The following SLC25A10 variants were observed in gnomAD, a reference collection of about 807,000 sequenced individuals.
The protein encoded by SLC25A10 is mitochondrial dicarboxylate carrier.
SLC25A10 carries 32 observed loss-of-function variants against 40.4 expected under a neutral mutation model. That is an observed-to-expected ratio of 0.79 (90% confidence interval 0.60 to 1.06). The LOEUF is 1.06. SLC25A10 is among the 50% of genes least tolerant of loss of function. The pLI is 0.00. For synonymous variants in SLC25A10, 181 were observed against 171.1 expected (o/e 1.06, Z -0.45); for missense variants, 394 against 402.6 (o/e 0.98, Z 0.18).
intron 9 of SLC25A10, 65 bp downstream of exon 9, chr17:81,717,926 G>A: frequency 7.6e-7 from 1 of 1,307,452 alleles, no homozygotes; most frequent in Non-Finnish European, 1.1e-6. Flanking sequence ...CCTCTCCGGG[G>A]GGTGGACACT....
At position 81,714,946 on chromosome 17, in the gene SLC25A10, C is replaced by T. The variant is rs756570550; in HGVS notation, c.94-7C>T. 8.7e-6 allele frequency: 14 copies of T among 1,606,720 alleles called. 1 individual carries two copies. In the African/African-American group the frequency reaches 1.2e-4, roughly 14 times the overall value. On this transcript the variant is annotated splice_polypyrimidine_tract_variant and splice_region_variant and intron_variant, in intron 1 of 10. Coordinates refer to ENST00000350690, the MANE Select transcript of SLC25A10 (RefSeq NM_012140.5). ...GCTGTGGGGTCTGAGAGCACTCACT[C>T]CCGCAGGTGCATCTGCAGACGCAGC...
chr17:81,717,364 C>A, intron 7 of SLC25A10, 35 bp from the exon 8 acceptor site: 2 of 1,605,380 alleles, frequency 1.2e-6, no homozygotes, highest in South Asian at 1.1e-5. Flanking sequence ...GCTGGGGTCC[C>A]CCCTACAGCC....
rs2037569782 is a variant in SLC25A10, at chr17:81,720,416, T to TCCTGCCC, written c.*342_*348dup. ...CCAGGGGAGGGGTATTATCCCTGCC[T>TCCTGCCC]CCTGCCCCCGATGCCCAAAGCAGCA... On this transcript the variant is annotated 3_prime_UTR_variant, in exon 11 of 11. Transcript: ENST00000350690. The TCCTGCCC allele has an allele frequency of 2.2e-6, 3 of 1,375,324 alleles. No homozygotes were observed. The highest frequency in any genetic ancestry group is 2.8e-6 in the Non-Finnish European group (3 of 1,070,572). The allele number at this position is 1,375,324 out of a possible 1,614,324, so 85.2% of individuals were successfully genotyped here.
In SLC25A10 at chr17:81,712,413, G is replaced by A. The variant is rs2037399159; in HGVS notation, c.-14G>A. 12 of 1,281,524 alleles carry A rather than the reference G, an allele frequency of 9.4e-6. No individual in the cohort carries two copies. In the South Asian group the frequency reaches 3.0e-4, roughly 32 times the overall value. The allele number at this position is 1,281,524 out of a possible 1,614,324, so 79.4% of individuals were successfully genotyped here. On this transcript the variant is annotated 5_prime_UTR_variant, in exon 1 of 11. Coordinates refer to ENST00000350690, the MANE Select transcript of SLC25A10 (RefSeq NM_012140.5). Reference sequence around the variant, plus strand: ...TCGGGTTGTGGTCGGGCCGGGATTGGGCTCTCCTGGGCCATGGCAGCCGAG... The same window carrying A: ...TCGGGTTGTGGTCGGGCCGGGATTGAGCTCTCCTGGGCCATGGCAGCCGAG...
intron 9 of SLC25A10, 106 bp downstream of exon 9, chr17:81,717,967 C>A (rs1427897364): frequency 3.7e-6 from 3 of 802,154 alleles, no homozygotes; most frequent in Non-Finnish European, 6.2e-6. Context: ...GGGTGTCCCT[C>A]CCTTCTAGTT....
At position 81,715,645 on chromosome 17, in the gene SLC25A10, G is replaced by GAC. The variant is rs1203978926; in HGVS notation, c.329-47_329-46dup. 1.9e-6 allele frequency: 3 copies of GAC among 1,612,836 alleles called. No individual in the cohort carries two copies. The South Asian group carries it at 3.3e-5, about 18-fold the overall frequency. ...GCGCGGGGTGGTCAGGTCGGCCGAG[G>GAC]ACGCCGTGTGTCAGCACGGCTCATC... is the stretch of plus-strand genomic sequence containing the variant. On this transcript the variant is annotated intron_variant, in intron 3 of 10. Coordinates refer to ENST00000350690, the MANE Select transcript of SLC25A10 (RefSeq NM_012140.5).
At position 81,720,511 on chromosome 17, in the gene SLC25A10, G is replaced by A; in HGVS notation, c.*434G>A. 1 of 1,312,538 alleles carries A rather than the reference G, an allele frequency of 7.6e-7. No individual in the cohort carries two copies. Among genetic ancestry groups the A allele is most frequent in the Non-Finnish European group, 9.7e-7 (1 of 1,035,910 alleles). The allele number at this position is 1,312,538 out of a possible 1,614,324, so 81.3% of individuals were successfully genotyped here. On this transcript the variant is annotated 3_prime_UTR_variant, in exon 11 of 11. Coordinates refer to ENST00000350690, the MANE Select transcript of SLC25A10 (RefSeq NM_012140.5). ...TGCAGCCTGGCTGTTGCTCACCCAA[G>A]TGCTAGCTCTGCACTTCGTGTCTGC...
intron 5 of SLC25A10, 69 bp from the exon 6 acceptor site, chr17:81,716,743 C>A: frequency 6.5e-7 from 1 of 1,531,574 alleles, no homozygotes; most frequent in Non-Finnish European, 8.9e-7. Context: ...GCCTCGGGGC[C>A]TGGGAGGACC....
At chr17:81,718,926 A>G (rs1470928551) in intron 9 of SLC25A10, among the ~76,000 whole-genome samples, 1 of 151,476 alleles carries the variant, frequency 6.6e-6, no homozygotes. Flanking sequence ...TCCAGCCTGG[A>G]TGACAGAGCG....
In SLC25A10 at chr17:81,715,556, C is replaced by T; in HGVS notation, c.292C>T (p.Pro98Ser). ...GGCCAAGGGCAGCCAGGGGCCTCTC[C>T]CCTTCCACGAGAAGGTGTTGCTGGG... is the stretch of plus-strand genomic sequence containing the variant. ...RVAKGSQGPLPFHEKVLLGSV... is the reference protein window; with the variant it reads ...RVAKGSQGPLSFHEKVLLGSV... The change falls in exon 3 of 11, where the codon CCC becomes TCC. Residue 98 changes from proline (P) to serine (S), a missense_variant. Pro to Ser is a moderately conservative substitution (Grantham distance 74, BLOSUM62 -1). Transcript: ENST00000350690. 2 of 1,612,928 alleles carry T rather than the reference C, an allele frequency of 1.2e-6. No homozygotes were observed. The highest frequency in any genetic ancestry group is 1.7e-6 in the Non-Finnish European group (2 of 1,179,870).
At chr17:81,717,363 C>A (rs1188427285) in intron 7 of SLC25A10, 36 bp from the exon 8 acceptor site, 32 of 1,602,818 alleles carry the variant, frequency 2.0e-5, no homozygotes, top group Non-Finnish European at 2.6e-5. Flanking sequence ...AGCTGGGGTC[C>A]CCCCTACAGC....
intron 1 of SLC25A10, among the ~76,000 whole-genome samples, chr17:81,713,945 C>T (rs1451746801): frequency 6.6e-6 from 1 of 152,228 alleles, no homozygotes; most frequent in African/African-American, 2.4e-5. Flanking sequence ...GCTCACCAGG[C>T]CTCTCTGCCT....
Position 81,720,340 on chromosome 17 carries a change from C to A in SLC25A10, c.*263C>A. On this transcript the variant is annotated 3_prime_UTR_variant, in exon 11 of 11. Transcript: ENST00000350690. ...GGCCTTGCCCCTCTCCCGCTGGCAGCTCCTCAGGGGAACAGGGGCTACCAG... is the reference window on the plus strand; with the variant it reads ...GGCCTTGCCCCTCTCCCGCTGGCAGATCCTCAGGGGAACAGGGGCTACCAG... 7.0e-7 allele frequency: 1 copy of A among 1,426,092 alleles called. No homozygotes were observed. Among genetic ancestry groups the A allele is most frequent in the Non-Finnish European group, 9.1e-7 (1 of 1,095,520 alleles). The allele number at this position is 1,426,092 out of a possible 1,614,324, so 88.3% of individuals were successfully genotyped here.
chr17:81,716,629 G>C, intron 5 of SLC25A10, 183 bp from the exon 6 acceptor site: 1 of 622,198 alleles, frequency 1.6e-6, no homozygotes, highest in South Asian at 1.9e-5. Context: ...TGAGGGCCGG[G>C]CGGGGCGGGC....
chr17:81,718,867 T>C (rs2037537395), intron 9 of SLC25A10, among the ~76,000 whole-genome samples: 1 of 150,236 alleles, frequency 6.7e-6, no homozygotes, highest in Admixed American at 6.6e-5. Flanking sequence ...GAGAATTGCT[T>C]GAATTCAGGA....
At position 81,715,629 on chromosome 17, in the gene SLC25A10, G is replaced by A. The variant is rs374977250; in HGVS notation, c.328+37G>A. ...GGCGGGAGGGGGAGGGGCGCGGGGT[G>A]GTCAGGTCGGCCGAGGACGCCGTGT... is the stretch of plus-strand genomic sequence containing the variant. On this transcript the variant is annotated intron_variant, in intron 3 of 10. Coordinates refer to ENST00000350690, the MANE Select transcript of SLC25A10 (RefSeq NM_012140.5). 79 of 1,611,670 alleles carry A rather than the reference G, an allele frequency of 4.9e-5. 1 individual carries two copies. The African/African-American group carries it at 9.2e-4, about 19-fold the overall frequency.
At chr17:81,716,957 C>A (rs2037499769) in intron 6 of SLC25A10, 45 bp from the exon 7 acceptor site, 1 of 1,439,988 alleles carries the variant, frequency 6.9e-7, no homozygotes, top group Non-Finnish European at 9.7e-7. Flanking sequence ...AGGTGCCTGG[C>A]CTCACCCCTT....
chr17:81,720,425 C>T lies in SLC25A10; in HGVS notation c.*348C>T, dbSNP rs916462294. ...GGGTATTATCCCTGCCTCCTGCCCC[C>T]GATGCCCAAAGCAGCATCTTCCAGC... On this transcript the variant is annotated 3_prime_UTR_variant, in exon 11 of 11. Transcript: ENST00000350690. 5.3e-5 allele frequency: 72 copies of T among 1,368,746 alleles called. No individual in the cohort carries two copies. The highest frequency in any genetic ancestry group is 2.8e-4 in the Admixed American group (8 of 28,574). 84.8% of individuals were successfully genotyped at this position (1,368,746 alleles called of 1,614,324 possible).
At position 81,717,386 on chromosome 17, in the gene SLC25A10, T is replaced by C. The variant is rs752588023; in HGVS notation, c.535-13T>C. The C allele has an allele frequency of 3.7e-6, 6 of 1,612,860 alleles. No homozygotes were observed. The African/African-American group carries it at 5.3e-5, about 14-fold the overall frequency. On this transcript the variant is annotated splice_polypyrimidine_tract_variant and intron_variant, in intron 7 of 10. Transcript: ENST00000350690. ...TCCCCCCTACAGCCCTGACCGCCCT[T>C]GTGCCCCTGCAGCTGTCCTGCTACG...
Sources: allele counts gnomAD v4.1 joint callset (sites outside exome capture counted in the v4.1 genomes callset), GRCh38; gene constraint gnomAD v4.1.1; transcripts MANE v1.5; gene names NCBI Gene and HGNC (gene_info 2026-07-23, HGNC 2026-07-21).